Variants in PCDHGA7 observed in about 807,000 individuals in gnomAD.
PCDHGA7 encodes protocadherin gamma-A7.
PCDHGA7 carries 44 observed loss-of-function variants against 58.3 expected under a neutral mutation model. The ratio of observed to expected loss-of-function variants is 0.75; its 90% CI spans 0.59 to 0.97. The LOEUF (loss-of-function observed/expected upper bound fraction) is 0.97. PCDHGA7 is among the 50% of genes least tolerant of loss of function. The pLI, the probability that PCDHGA7 is intolerant of heterozygous loss-of-function variation, is 0.00. For missense variants in PCDHGA7, 1,266 were observed against 1,188.7 expected (o/e 1.06, Z -0.96); for synonymous variants, 516 against 504.2 (o/e 1.02, Z -0.31).
In PCDHGA7 at chr5:141,476,886, C is replaced by T; in HGVS notation, c.2425-17921C>T. ...TACCGGGCGCGCGTCCTGGAGGATG[C>T]ACCCTCCGGCACGCGCGTGGTACAA... On this transcript the variant is annotated intron_variant, in intron 1 of 3. Transcript: ENST00000518325. This position sits in a 1 kb window ranked among gnomAD's most constrained non-coding sequence, Gnocchi z 7.6. The T allele has an allele frequency of 9.9e-6, 16 of 1,613,924 alleles. No individual in the cohort carries two copies. Among genetic ancestry groups the T allele is most frequent in the Non-Finnish European group, 1.4e-5 (16 of 1,180,032 alleles).
intron 1 of PCDHGA7, chr5:141,394,620 T>A: frequency 6.2e-7 from 1 of 1,613,124 alleles, no homozygotes; most frequent in Non-Finnish European, 8.5e-7. Context: ...CCAGAACGCC[T>A]GGCTGTCCTA....
intron 2 of PCDHGA7, among the ~76,000 whole-genome samples, chr5:141,504,793 C>A (rs1256626821): frequency 9.9e-5 from 15 of 152,166 alleles, no homozygotes; most frequent in Admixed American, 3.9e-4. Context: ...GGGCCTCCTA[C>A]ATCTCCCCCT....
chr5:141,429,314 C>A (rs1463397731), intron 1 of PCDHGA7, among the ~76,000 whole-genome samples: 2 of 151,722 alleles, frequency 1.3e-5, no homozygotes, highest in Admixed American at 6.6e-5. Flanking sequence ...GTATATAAGG[C>A]TTTTTCTTTA....
At chr5:141,399,864 G>A (rs762765678) in intron 1 of PCDHGA7, 1 of 1,612,860 alleles carries the variant, frequency 6.2e-7, no homozygotes. Flanking sequence ...GCGCTGCAGA[G>A]CCCGGCTACC....
In PCDHGA7 at chr5:141,477,669, T is replaced by C; in HGVS notation, c.2425-17138T>C. Reference sequence around the variant, plus strand: ...TTCACAATAAATCGTGACAATGGCATAGTGTCATCCTTAGTGCCCCTAGAC... The same window carrying C: ...TTCACAATAAATCGTGACAATGGCACAGTGTCATCCTTAGTGCCCCTAGAC... On this transcript the variant is annotated intron_variant, in intron 1 of 3. Coordinates refer to ENST00000518325, the MANE Select transcript of PCDHGA7 (RefSeq NM_018920.4). This position sits in a 1 kb window ranked among gnomAD's most constrained non-coding sequence, Gnocchi z 4.9. 6.2e-7 allele frequency: 1 copy of C among 1,614,200 alleles called. No individual in the cohort carries two copies. Among genetic ancestry groups the C allele is most frequent in the Non-Finnish European group, 8.5e-7 (1 of 1,180,030 alleles).
In PCDHGA7 at chr5:141,492,559, C is replaced by A. The variant is rs533830391; in HGVS notation, c.2425-2248C>A. ...GGGCTGGGCCGGGTCGCCTGGGGGG[C>A]GGCCTGAGCGAGGCGCGGGGCCAGG... On this transcript the variant is annotated intron_variant, in intron 1 of 3. Coordinates refer to ENST00000518325, the MANE Select transcript of PCDHGA7 (RefSeq NM_018920.4). 2.6e-5 allele frequency among the ~76,000 whole-genome samples: 4 copies of A among 152,292 alleles called. No individual in the cohort carries two copies. The East Asian group carries it at 7.7e-4, about 29-fold the overall frequency.
chr5:141,457,172 T>C (rs1425263344), intron 1 of PCDHGA7, among the ~76,000 whole-genome samples: 1 of 152,212 alleles, frequency 6.6e-6, no homozygotes, highest in East Asian at 1.9e-4. Context: ...ATAACCCTAT[T>C]GCAAATAGTA....
chr5:141,470,778 C>A (rs1047167697), intron 1 of PCDHGA7, among the ~76,000 whole-genome samples: 1 of 152,132 alleles, frequency 6.6e-6, no homozygotes, highest in African/African-American at 2.4e-5. Context: ...GTCTTGAATT[C>A]CTGGGCTCAA....
In PCDHGA7 at chr5:141,427,541, C is replaced by G. The variant is rs541988301; in HGVS notation, c.2424+42218C>G. ...AGCGGATCCCGGAGTACAACGTCACCATCACTGCCACTGACAAGGGCAAGC... is the reference window on the plus strand; with the variant it reads ...AGCGGATCCCGGAGTACAACGTCACGATCACTGCCACTGACAAGGGCAAGC... On this transcript the variant is annotated intron_variant, in intron 1 of 3. Coordinates refer to ENST00000518325, the MANE Select transcript of PCDHGA7 (RefSeq NM_018920.4). 3.1e-5 allele frequency: 20 copies of G among 635,320 alleles called. No individual in the cohort carries two copies. The African/African-American group carries it at 3.6e-4, about 11-fold the overall frequency. The allele number at this position is 635,320 out of a possible 1,614,324, so 39.4% of individuals were successfully genotyped here.
At chr5:141,401,079 C>T (rs1245954946) in intron 1 of PCDHGA7, among the ~76,000 whole-genome samples, 16 of 152,196 alleles carry the variant, frequency 1.1e-4, no homozygotes, top group Admixed American at 1.0e-3. Flanking sequence ...TGCAGTGGCT[C>T]ATGCCTGTAA....
Position 141,491,935 on chromosome 5 carries a change from C to A in PCDHGA7, c.2425-2872C>A. 1 of 1,205,518 alleles carries A rather than the reference C, an allele frequency of 8.3e-7. No homozygotes were observed. Among genetic ancestry groups the A allele is most frequent in the South Asian group, 1.7e-5 (1 of 59,176 alleles). 74.7% of individuals were successfully genotyped at this position (1,205,518 alleles called of 1,614,324 possible). On this transcript the variant is annotated intron_variant, in intron 1 of 3. Transcript: ENST00000518325. The surrounding 1 kb of genome is among the most constrained non-coding windows in gnomAD (Gnocchi z 6.9). ...GACTGTGGGCGAGGGGAGGTGGGACCGACCCCCACCCCTACACTCAAAAAA... is the reference window on the plus strand; with the variant it reads ...GACTGTGGGCGAGGGGAGGTGGGACAGACCCCCACCCCTACACTCAAAAAA...
chr5:141,446,088 T>C (rs2098487177), intron 1 of PCDHGA7, among the ~76,000 whole-genome samples: 1 of 152,100 alleles, frequency 6.6e-6, no homozygotes, highest in African/African-American at 2.4e-5. Flanking sequence ...TAGAAATAAA[T>C]GGATGAATTA....
rs2099697598 is a variant in PCDHGA7 at position 141,490,236 on chromosome 5, C to T, written c.2425-4571C>T. On this transcript the variant is annotated intron_variant, in intron 1 of 3. Coordinates refer to ENST00000518325, the MANE Select transcript of PCDHGA7 (RefSeq NM_018920.4). This position sits in a 1 kb window ranked among gnomAD's most constrained non-coding sequence, Gnocchi z 5.4. ...ACCAGGGACAGCCTGCCATGGAGGG[C>T]CACTGTGTGATTCAAGTGGATGTGG... is the stretch of plus-strand genomic sequence containing the variant. 1 of 1,614,078 alleles carries T rather than the reference C, an allele frequency of 6.2e-7. No homozygotes were observed. The highest frequency in any genetic ancestry group is 1.1e-5 in the South Asian group (1 of 91,088).
intron 1 of PCDHGA7, chr5:141,441,114 T>A (rs1239606502): frequency 6.6e-6 from 1 of 152,218 alleles, no homozygotes; most frequent in Non-Finnish European, 1.5e-5. Context: ...TTGTCCAGTG[T>A]ACAGTTGAGA....
chr5:141,413,541 G>A, intron 1 of PCDHGA7: 1 of 1,613,904 alleles, frequency 6.2e-7, no homozygotes, highest in Non-Finnish European at 8.5e-7. Flanking sequence ...AACTTTTTGG[G>A]ATAGAAATAG....
intron 1 of PCDHGA7, chr5:141,478,024 C>T: frequency 2.5e-6 from 4 of 1,614,188 alleles, no homozygotes; most frequent in Non-Finnish European, 3.4e-6. Context: ...CAGTCCAAGA[C>T]ACAGATTCAC....
chr5:141,399,991 G>C, intron 1 of PCDHGA7: 1 of 1,612,422 alleles, frequency 6.2e-7, no homozygotes, highest in Non-Finnish European at 8.5e-7. Context: ...CACAGGAGAG[G>C]TGCGCACAGC....
chr5:141,417,556 A>G, intron 1 of PCDHGA7: 1 of 333,096 alleles, frequency 3.0e-6, no homozygotes, highest in Non-Finnish European at 5.4e-6. Flanking sequence ...TGAAAGAGGT[A>G]GAGAAAAGTC....
intron 1 of PCDHGA7, chr5:141,408,675 CG>C (rs757230674): frequency 2.3e-5 from 37 of 1,613,832 alleles, no homozygotes; most frequent in Non-Finnish European, 3.1e-5. Flanking sequence ...GACCCTGCCA[CG>C]GATCCTGATA....
Sources: gnomAD v4.1 joint callset for allele counts (sites outside exome capture counted in the v4.1 genomes callset) on GRCh38, gnomAD v4.1.1 for gene constraint, Gnocchi (gnomAD v3.1) non-coding constraint, MANE v1.5 for transcripts, NCBI Gene and HGNC (gene_info 2026-07-23, HGNC 2026-07-21) for gene names.